Variants in THRB observed in about 807,000 individuals in gnomAD.
The protein encoded by THRB is nuclear receptor subfamily 1 group A member 2.
A neutral mutation model predicts 47.8 loss-of-function variants in THRB; 12 were observed. The observed-to-expected ratio is 0.25, with a 90% confidence interval of 0.16 to 0.41. THRB has a LOEUF of 0.41. THRB is among the 10% of genes least tolerant of loss of function. The probability of loss-of-function intolerance (pLI) is 1.00; values close to 1 mark genes in which losing one functional copy is unlikely to be tolerated. For missense variants in THRB, 348 were observed against 589.2 expected, an observed-to-expected ratio of 0.59 and a Z score of 4.24; for synonymous variants, 218 against 212.2, an observed-to-expected ratio of 1.03 and a Z score of -0.24.
Position 24,119,277 on chromosome 3 carries a change from T to C in THRB, c.*3607A>G, listed in dbSNP as rs2148752477. On this transcript the variant is annotated 3_prime_UTR_variant, in exon 11 of 11. Transcript: ENST00000646209. ...GTTGGAAAGGGCAAAGAGATTCAAA[T>C]GTCGATCATCACTCTCCATTTGAGG... 1 of 152,416 alleles carries C rather than the reference T, an allele frequency of 6.6e-6. No homozygotes were observed. The highest frequency in any genetic ancestry group is 2.1e-4 in the South Asian group (1 of 4,830). 9.4% of individuals were successfully genotyped at this position (152,416 alleles called of 1,614,324 possible).
Position 24,186,634 on chromosome 3 carries a change from G to A in THRB, c.283+3440C>T, listed in dbSNP as rs145851117. On this transcript the variant is annotated intron_variant, in intron 5 of 10. Transcript: ENST00000646209. ...GATGCTTACAGCAGACAGAAGCATAGGTATATGCAGGTTAAAATAAAAGCA... is the reference window on the plus strand; with the variant it reads ...GATGCTTACAGCAGACAGAAGCATAAGTATATGCAGGTTAAAATAAAAGCA... Among the ~76,000 whole-genome samples the A allele has an allele frequency of 2.4e-3, 360 of 152,180 alleles. 2 individuals are homozygous for A. The highest frequency in any genetic ancestry group is 3.9e-3 in the Non-Finnish European group (268 of 68,010).
intron 1 of THRB, among the ~76,000 whole-genome samples, chr3:24,423,027 C>T (rs923714974): frequency 3.3e-5 from 5 of 151,812 alleles, no homozygotes; most frequent in Non-Finnish European, 7.4e-5. Flanking sequence ...AACCTAAAAC[C>T]ACCAAGCTGT....
intron 5 of THRB, among the ~76,000 whole-genome samples, chr3:24,176,998 A>G (rs2041245074): frequency 6.6e-6 from 1 of 152,198 alleles, no homozygotes; most frequent in Admixed American, 6.5e-5. Flanking sequence ...AAACAGCTTG[A>G]GTTAATTAAG....
intron 3 of THRB, among the ~76,000 whole-genome samples, chr3:24,283,803 CAA>C (rs1412788415): frequency 6.6e-6 from 1 of 152,008 alleles, no homozygotes; most frequent in Non-Finnish European, 1.5e-5. Flanking sequence ...GACAGAGAGC[CAA>C]ATCATGAGTG....
chr3:24,356,290 C>T (rs186335570), intron 1 of THRB, among the ~76,000 whole-genome samples: 8 of 152,218 alleles, frequency 5.3e-5, no homozygotes, highest in African/African-American at 1.9e-4. Context: ...TCCTGAACCG[C>T]CTCAAAGGTT....
intron 1 of THRB, among the ~76,000 whole-genome samples, chr3:24,423,619 G>A (rs907717609): frequency 6.6e-6 from 1 of 151,800 alleles, no homozygotes; most frequent in South Asian, 2.1e-4. Flanking sequence ...TCAGACTAAT[G>A]CCTTATATGT....
intron 4 of THRB, among the ~76,000 whole-genome samples, chr3:24,220,901 G>T (rs1241851445): frequency 6.6e-6 from 1 of 152,090 alleles, no homozygotes; most frequent in African/African-American, 2.4e-5. Flanking sequence ...TGAACAGTCT[G>T]CTGTGGCGGC....
intron 1 of THRB, among the ~76,000 whole-genome samples, chr3:24,345,833 G>A (rs1051043403): frequency 3.6e-4 from 54 of 152,042 alleles, no homozygotes; most frequent in Non-Finnish European, 1.9e-4. Context: ...TTGGTTCATT[G>A]TATTGATTGT....
At chr3:24,308,302 T>C (rs2057504383) in intron 2 of THRB, among the ~76,000 whole-genome samples, 1 of 152,220 alleles carries the variant, frequency 6.6e-6, no homozygotes, top group Admixed American at 6.5e-5. Context: ...GCATAACTAC[T>C]ACCAAAGTGC....
intron 5 of THRB, among the ~76,000 whole-genome samples, chr3:24,179,530 G>T (rs1459830318): frequency 6.6e-6 from 1 of 152,122 alleles, no homozygotes; most frequent in Non-Finnish European, 1.5e-5. Flanking sequence ...CAACTTTTTG[G>T]TAAACCTGAG....
At chr3:24,295,542 T>C (rs1303299599) in intron 3 of THRB, among the ~76,000 whole-genome samples, 5 of 152,258 alleles carry the variant, frequency 3.3e-5, no homozygotes, top group African/African-American at 1.2e-4. Flanking sequence ...AGTTTTCCAC[T>C]TAAGACAATT....
At chr3:24,314,141 T>C (rs2057953553) in intron 2 of THRB, among the ~76,000 whole-genome samples, 1 of 152,246 alleles carries the variant, frequency 6.6e-6, no homozygotes, top group African/African-American at 2.4e-5. Flanking sequence ...GATAGATTTT[T>C]ATCTCCATTT....
intron 5 of THRB, among the ~76,000 whole-genome samples, chr3:24,178,614 C>T (rs780976294): frequency 2.0e-5 from 3 of 152,112 alleles, no homozygotes; most frequent in African/African-American, 4.8e-5. Context: ...AACTGTGAAA[C>T]GGTTCCAGAC....
intron 3 of THRB, among the ~76,000 whole-genome samples, chr3:24,253,727 A>G (rs2050904846): frequency 6.6e-6 from 1 of 152,160 alleles, no homozygotes; most frequent in African/African-American, 2.4e-5. Context: ...TCCTGACTCA[A>G]TTTTTAAAGA....
At chr3:24,235,885 C>A (rs368482041) in intron 3 of THRB, among the ~76,000 whole-genome samples, 1 of 152,220 alleles carries the variant, frequency 6.6e-6, no homozygotes, top group East Asian at 1.9e-4. Context: ...AGGTAGCAAG[C>A]AACTATTTTT....
chr3:24,227,805 C>T (rs1422312825), intron 4 of THRB, among the ~76,000 whole-genome samples: 5 of 151,998 alleles, frequency 3.3e-5, no homozygotes, highest in Admixed American at 1.3e-4. Flanking sequence ...GCTGCATCCT[C>T]GACACACAGA....
At chr3:24,344,504 G>A (rs906294213) in intron 1 of THRB, among the ~76,000 whole-genome samples, 2 of 151,908 alleles carry the variant, frequency 1.3e-5, no homozygotes, top group African/African-American at 2.4e-5. Context: ...AAATTCTGAC[G>A]TATGACCTGT....
At chr3:24,428,458 A>G (rs2070003701) in intron 1 of THRB, among the ~76,000 whole-genome samples, 1 of 152,042 alleles carries the variant, frequency 6.6e-6, no homozygotes, top group South Asian at 2.1e-4. Flanking sequence ...CCTTTTGGGA[A>G]TAAGCGCTCA....
chr3:24,146,621 A>C (rs2036142632), intron 7 of THRB, 54 bp downstream of exon 7: 1 of 1,602,000 alleles, frequency 6.2e-7, no homozygotes, highest in South Asian at 1.1e-5. Flanking sequence ...CCTTGAACCA[A>C]ACTGTTTCCT....
Sources: gnomAD v4.1 joint callset for allele counts (sites outside exome capture counted in the v4.1 genomes callset) on GRCh38, gnomAD v4.1.1 for gene constraint, MANE v1.5 for transcripts, NCBI Gene and HGNC (gene_info 2026-07-23, HGNC 2026-07-21) for gene names.